Variants in ROBO2 observed in about 807,000 individuals in gnomAD.
ROBO2 encodes the protein roundabout guidance receptor 2, also known as roundabout homolog 2.
In ROBO2, 53 loss-of-function variants were observed where a neutral mutation model predicts 160.8. The observed-to-expected ratio is 0.33, with a 90% CI of 0.26 to 0.41. The LOEUF (loss-of-function observed/expected upper bound fraction) is 0.41, where lower values mean the gene tolerates loss of function less well. Ranked by LOEUF, ROBO2 falls within the 10% of genes least tolerant of loss-of-function variation. The pLI is 1.00. For synonymous variants in ROBO2, 664 were observed against 611.7 expected, an observed-to-expected ratio of 1.09 and a Z score of -1.26; for missense variants, 1,577 against 1,722.4, an observed-to-expected ratio of 0.92 and a Z score of 1.49.
At chr3:76,749,865 G>C (rs1560494364) in intron 2 of ROBO2, among the ~76,000 whole-genome samples, 1 of 152,046 alleles carries the variant, frequency 6.6e-6, no homozygotes, top group Non-Finnish European at 1.5e-5. Context: ...TTCTACCAGA[G>C]GTGCAAAGAG....
intron 2 of ROBO2, among the ~76,000 whole-genome samples, chr3:76,187,293 G>A (rs1701810779): frequency 6.6e-6 from 1 of 152,012 alleles, no homozygotes; most frequent in South Asian, 2.1e-4. Flanking sequence ...ATTTTTTAAT[G>A]AGACAAGGTC....
chr3:77,079,630 C>T (rs572384209), intron 1 of ROBO2, among the ~76,000 whole-genome samples: 72 of 152,304 alleles, frequency 4.7e-4, no homozygotes, highest in African/African-American at 1.6e-3. Context: ...TGTTTGCCTT[C>T]ATATGTTCTT....
intron 2 of ROBO2, among the ~76,000 whole-genome samples, chr3:77,195,508 A>G (rs1177016748): frequency 6.6e-6 from 1 of 152,260 alleles, no homozygotes; most frequent in East Asian, 1.9e-4. Context: ...AAAAAGGAAC[A>G]GATAACACAA....
intron 2 of ROBO2, among the ~76,000 whole-genome samples, chr3:76,054,298 A>T (rs2067759002): frequency 6.6e-6 from 1 of 152,160 alleles, no homozygotes; most frequent in Non-Finnish European, 1.5e-5. Flanking sequence ...TTTAGGTCAG[A>T]TGGAAAAACC....
intron 2 of ROBO2, among the ~76,000 whole-genome samples, chr3:76,948,695 G>A (rs374047054): frequency 7.0e-6 from 1 of 143,470 alleles, no homozygotes; most frequent in Non-Finnish European, 1.5e-5. Context: ...CTCCACTGAG[G>A]CTATAATTAT....
intron 2 of ROBO2, among the ~76,000 whole-genome samples, chr3:76,353,001 C>T (rs945279046): frequency 9.9e-5 from 15 of 151,954 alleles, no homozygotes; most frequent in African/African-American, 3.6e-4. Context: ...AACAGCCTGG[C>T]GTTTCCTCTC....
chr3:76,865,314 C>A (rs1267882237), intron 2 of ROBO2, among the ~76,000 whole-genome samples: 1 of 152,050 alleles, frequency 6.6e-6, no homozygotes, highest in Non-Finnish European at 1.5e-5. Context: ...ATGAAAAGAT[C>A]AAGTTATGCA....
intron 2 of ROBO2, among the ~76,000 whole-genome samples, chr3:76,296,635 G>T (rs1709089975): frequency 6.6e-6 from 1 of 152,062 alleles, no homozygotes; most frequent in Non-Finnish European, 1.5e-5. Flanking sequence ...CTTGCCTCAG[G>T]GCCTAAACTA....
intron 6 of ROBO2, among the ~76,000 whole-genome samples, chr3:77,538,170 CTTTTT>C (rs59409802): frequency 2.0e-5 from 2 of 102,518 alleles, no homozygotes; most frequent in Non-Finnish European, 3.8e-5. Context: ...TGATCATTTA[CTTTTT>C]TTTTTTTTTT....
chr3:76,781,276 T>A (rs1686942751), intron 2 of ROBO2, among the ~76,000 whole-genome samples: 1 of 150,750 alleles, frequency 6.6e-6, no homozygotes, highest in African/African-American at 2.4e-5. Flanking sequence ...TCCCAAAACT[T>A]CACAAAATTG....
intron 2 of ROBO2, among the ~76,000 whole-genome samples, chr3:76,551,402 G>A (rs2083412006): frequency 6.6e-6 from 1 of 152,098 alleles, no homozygotes; most frequent in South Asian, 2.1e-4. Context: ...GCTCAATGAA[G>A]CTCCTTTCCG....
At chr3:75,961,709 A>C (rs998648556) in intron 2 of ROBO2, among the ~76,000 whole-genome samples, 2 of 151,652 alleles carry the variant, frequency 1.3e-5, no homozygotes, top group African/African-American at 4.8e-5. Context: ...CTATCTCATC[A>C]AACTGAAACT....
At chr3:76,020,355 T>G (rs1009151115) in intron 2 of ROBO2, among the ~76,000 whole-genome samples, 2 of 151,888 alleles carry the variant, frequency 1.3e-5, no homozygotes, top group Middle Eastern at 3.2e-3. Flanking sequence ...TTTTTTTACA[T>G]TTATTACGAT....
At chr3:77,293,333 C>A (rs1244729702) in intron 2 of ROBO2, among the ~76,000 whole-genome samples, 1 of 148,928 alleles carries the variant, frequency 6.7e-6, no homozygotes, top group Admixed American at 6.8e-5. Flanking sequence ...GAGGCTAGAA[C>A]AGTAAAGACA....
intron 2 of ROBO2, among the ~76,000 whole-genome samples, chr3:76,399,619 G>C (rs2077695804): frequency 6.6e-6 from 1 of 151,714 alleles, no homozygotes; most frequent in African/African-American, 2.4e-5. Context: ...GAGTGGAAAA[G>C]AGATGCAAAA....
intron 2 of ROBO2, among the ~76,000 whole-genome samples, chr3:76,836,916 T>G (rs1178175203): frequency 6.6e-6 from 1 of 151,918 alleles, no homozygotes; most frequent in Non-Finnish European, 1.5e-5. Flanking sequence ...TGACGTTACT[T>G]GCATCTTATA....
At chr3:76,149,731 C>CTGTCTAAAGCACACATCATA (rs2072080921) in intron 2 of ROBO2, among the ~76,000 whole-genome samples, 1 of 131,172 alleles carries the variant, frequency 7.6e-6, no homozygotes, top group Admixed American at 7.3e-5. Context: ...AAACACACAT[C>CTGTCTAAAGCACACATCATA]TGTCTAAAGC....
intron 2 of ROBO2, among the ~76,000 whole-genome samples, chr3:77,284,757 T>A (rs2060471206): frequency 6.6e-6 from 1 of 152,006 alleles, no homozygotes; most frequent in South Asian, 2.1e-4. Flanking sequence ...AAAATTATAA[T>A]AATATTATTA....
intron 2 of ROBO2, among the ~76,000 whole-genome samples, chr3:76,074,184 T>G (rs1469874981): frequency 6.6e-6 from 1 of 151,954 alleles, no homozygotes; most frequent in East Asian, 1.9e-4. Flanking sequence ...TCAGATAATA[T>G]GGCATCTCTG....
Sources: gnomAD v4.1 joint callset for allele counts (sites outside exome capture counted in the v4.1 genomes callset) on GRCh38, gnomAD v4.1.1 for gene constraint, MANE v1.5 for transcripts, NCBI Gene and HGNC (gene_info 2026-07-23, HGNC 2026-07-21) for gene names.